The following NFIA variants were observed in gnomAD, a reference collection of about 807,000 sequenced individuals.
NFIA encodes nuclear factor I A, also known as nuclear factor 1 A-type.
A neutral mutation model predicts 62.8 loss-of-function variants in NFIA; 8 were observed. That is an observed-to-expected ratio of 0.13 (90% CI 0.07 to 0.23). The LOEUF is 0.23. Among genes scored for constraint, NFIA ranks in the 10% least tolerant of loss-of-function variants. NFIA has a pLI of 1.00. For missense variants in NFIA, 410 were observed against 642.1 expected, an observed-to-expected ratio of 0.64 and a Z score of 3.91; for synonymous variants, 235 against 238.1, an observed-to-expected ratio of 0.99 and a Z score of 0.12.
chr1:61,312,183 G>A (rs1660155286), intron 3 of NFIA, among the ~76,000 whole-genome samples: 2 of 152,226 alleles, frequency 1.3e-5, no homozygotes, highest in Non-Finnish European at 2.9e-5. Flanking sequence ...ACTTGTGAGT[G>A]CACAGTTGCA....
At chr1:61,249,342 G>A (rs1655859958) in intron 2 of NFIA, among the ~76,000 whole-genome samples, 1 of 152,102 alleles carries the variant, frequency 6.6e-6, no homozygotes, top group African/African-American at 2.4e-5. Context: ...CTAACCAGAT[G>A]TTATAGTTAG....
chr1:61,157,429 G>A (rs1487339622), intron 2 of NFIA, among the ~76,000 whole-genome samples: 1 of 152,068 alleles, frequency 6.6e-6, no homozygotes, highest in African/African-American at 2.4e-5. Context: ...AGAAAAAAAA[G>A]GACATATTAT....
At chr1:61,174,348 C>T (rs1356796639) in intron 2 of NFIA, among the ~76,000 whole-genome samples, 1 of 152,206 alleles carries the variant, frequency 6.6e-6, no homozygotes, top group Non-Finnish European at 1.5e-5. Flanking sequence ...AAGCTGCAAG[C>T]GTGCCTACAC....
chr1:61,295,923 TCA>T (rs1344058364), intron 3 of NFIA, among the ~76,000 whole-genome samples: 5 of 152,332 alleles, frequency 3.3e-5, no homozygotes, highest in African/African-American at 1.2e-4. Context: ...CCAGCAGTAC[TCA>T]TTTTCAGGTT....
chr1:61,260,199 C>T (rs1160300753), intron 2 of NFIA, among the ~76,000 whole-genome samples: 1 of 152,210 alleles, frequency 6.6e-6, no homozygotes, highest in Admixed American at 6.5e-5. Flanking sequence ...CTGTTTTGTT[C>T]TGAAGGACAT....
chr1:61,100,228 G>A (rs1305722961), intron 2 of NFIA, among the ~76,000 whole-genome samples: 6 of 152,122 alleles, frequency 3.9e-5, no homozygotes, highest in Non-Finnish European at 1.5e-5. Flanking sequence ...CATGCATCTC[G>A]GAAACTATGG....
intron 4 of NFIA, among the ~76,000 whole-genome samples, chr1:61,343,485 T>C (rs1301716023): frequency 6.6e-6 from 1 of 152,224 alleles, no homozygotes; most frequent in African/African-American, 2.4e-5. Context: ...TGTTAGCGGA[T>C]GCCTTTCATG....
chr1:61,085,699 TTTAA>T (rs1296071927), intron 1 of NFIA, among the ~76,000 whole-genome samples: 1 of 152,170 alleles, frequency 6.6e-6, no homozygotes, highest in Non-Finnish European at 1.5e-5. Flanking sequence ...AAATCAATAC[TTTAA>T]TTGTGCATAT....
chr1:61,184,152 AC>A (rs1245904515), intron 2 of NFIA, among the ~76,000 whole-genome samples: 31 of 151,282 alleles, frequency 2.0e-4, no homozygotes, highest in Middle Eastern at 3.4e-3. Flanking sequence ...ACCCAAAAAA[AC>A]AAAACAAAAC....
At position 61,222,883 on chromosome 1, in the gene NFIA, A is replaced by G. The variant is rs572482153; in HGVS notation, c.560-54637A>G. 8.5e-5 allele frequency among the ~76,000 whole-genome samples: 13 copies of G among 152,174 alleles called. No individual in the cohort carries two copies. The South Asian group carries it at 2.5e-3, about 29-fold the overall frequency. On this transcript the variant is annotated intron_variant, in intron 2 of 10. Coordinates refer to ENST00000403491, the MANE Select transcript of NFIA (RefSeq NM_001134673.4). ...ATACTTTTCATGTGCAGTTTTATAC[A>G]AAGACTGAAATGAAACAGATTTCTG...
chr1:61,384,012 C>T (rs542348183), intron 7 of NFIA, among the ~76,000 whole-genome samples: 2 of 152,186 alleles, frequency 1.3e-5, no homozygotes, highest in Non-Finnish European at 2.9e-5. Flanking sequence ...ATTTGTATTT[C>T]GCATTAAAGA....
intron 3 of NFIA, among the ~76,000 whole-genome samples, chr1:61,283,872 G>A (rs769309032): frequency 6.6e-6 from 1 of 152,132 alleles, no homozygotes; most frequent in Admixed American, 6.5e-5. Context: ...GTCACTGCTG[G>A]ATGGACTGCT....
intron 7 of NFIA, among the ~76,000 whole-genome samples, chr1:61,389,433 C>T (rs1351271661): frequency 6.6e-6 from 1 of 152,182 alleles, no homozygotes. Flanking sequence ...TGGCCACTCT[C>T]TATAAAATTA....
intron 9 of NFIA, among the ~76,000 whole-genome samples, chr1:61,412,235 G>A (rs149552035): frequency 6.6e-6 from 1 of 152,246 alleles, no homozygotes; most frequent in Non-Finnish European, 1.5e-5. Context: ...TTGCCCTGGT[G>A]GAGATTACAT....
intron 2 of NFIA, among the ~76,000 whole-genome samples, chr1:61,210,436 T>C (rs553537927): frequency 1.1e-4 from 16 of 152,324 alleles, no homozygotes; most frequent in Admixed American, 5.2e-4. Flanking sequence ...AGGGCTTAAA[T>C]TATTATCACA....
intron 2 of NFIA, among the ~76,000 whole-genome samples, chr1:61,260,814 T>A (rs911560419): frequency 3.3e-5 from 5 of 152,180 alleles, no homozygotes; most frequent in African/African-American, 1.2e-4. Context: ...TCTCCTGACC[T>A]CATGATCTGC....
intron 9 of NFIA, among the ~76,000 whole-genome samples, chr1:61,417,133 T>A (rs1402270205): frequency 6.6e-6 from 1 of 151,952 alleles, no homozygotes; most frequent in East Asian, 1.9e-4. Flanking sequence ...AGATGACAGA[T>A]GAGTTTAAGT....
At chr1:61,324,498 A>T (rs1660830784) in intron 3 of NFIA, among the ~76,000 whole-genome samples, 1 of 152,218 alleles carries the variant, frequency 6.6e-6, no homozygotes. Flanking sequence ...GCCCCTTGAT[A>T]TTCCAGCAGA....
intron 2 of NFIA, among the ~76,000 whole-genome samples, chr1:61,128,931 T>TTC (rs1443867554): frequency 7.4e-6 from 1 of 135,322 alleles, no homozygotes; most frequent in Non-Finnish European, 1.6e-5. Flanking sequence ...TTTTTTTTTT[T>TTC]TTTTTTTTTG....
Sources: gnomAD v4.1 joint callset for allele counts (sites outside exome capture counted in the v4.1 genomes callset) on GRCh38, gnomAD v4.1.1 for gene constraint, MANE v1.5 for transcripts, NCBI Gene and HGNC (gene_info 2026-07-23, HGNC 2026-07-21) for gene names.